Variants in KIAA1217 observed in about 807,000 individuals in gnomAD.
The protein encoded by KIAA1217 is sickle tail protein homolog.
KIAA1217 carries 88 observed loss-of-function variants against 163.9 expected under a neutral mutation model. The observed-to-expected ratio is 0.54, with a 90% CI of 0.45 to 0.64. The LOEUF is 0.64. KIAA1217 is among the 30% of genes least tolerant of loss of function. The probability of loss-of-function intolerance (pLI) is 0.00; values close to 1 mark genes in which losing one functional copy is unlikely to be tolerated. For synonymous variants in KIAA1217, 903 were observed against 923.1 expected, an observed-to-expected ratio of 0.98 and a Z score of 0.39; for missense variants, 2,372 against 2,475.0, an observed-to-expected ratio of 0.96 and a Z score of 0.88.
chr10:24,071,258 GT>G (rs1487442148), intron 2 of KIAA1217, among the ~76,000 whole-genome samples: 2 of 152,116 alleles, frequency 1.3e-5, no homozygotes, highest in African/African-American at 4.8e-5. Context: ...AACATTGCGA[GT>G]TTTGTTTGTT....
At position 24,003,258 on chromosome 10, in the gene KIAA1217, T is replaced by C. The variant is rs977600512; in HGVS notation, c.-320-3967T>C. On this transcript the variant is annotated intron_variant, in intron 1 of 18. Transcript: ENST00000376462. ...CCGTTTTCCATAGTAGTTGTACTAG[T>C]TTACATTCCCACTAGCAGCATAAAA... Among the ~76,000 whole-genome samples, 8 of 152,352 alleles carry C rather than the reference T, an allele frequency of 5.3e-5. No homozygotes were observed. The East Asian group carries it at 1.3e-3, about 26-fold the overall frequency.
intron 1 of KIAA1217, among the ~76,000 whole-genome samples, chr10:23,966,500 C>T (rs1270282240): frequency 6.6e-6 from 1 of 152,170 alleles, no homozygotes; most frequent in Admixed American, 6.5e-5. Flanking sequence ...ATCAGACTAC[C>T]TGCTGTCTAC....
At chr10:23,778,691 T>C (rs1456663350) in intron 1 of KIAA1217, among the ~76,000 whole-genome samples, 1 of 152,206 alleles carries the variant, frequency 6.6e-6, no homozygotes, top group African/African-American at 2.4e-5. Flanking sequence ...CCAATTGCTA[T>C]AGAGGTCATT....
intron 1 of KIAA1217, among the ~76,000 whole-genome samples, chr10:23,697,577 G>A (rs2130691535): frequency 6.6e-6 from 1 of 151,914 alleles, no homozygotes; most frequent in Admixed American, 6.6e-5. Flanking sequence ...TTTTTTAAAA[G>A]TGCACAACAA....
At chr10:24,335,896 G>GTTGAATTGT (rs2046300656) in intron 2 of KIAA1217, among the ~76,000 whole-genome samples, 1 of 152,248 alleles carries the variant, frequency 6.6e-6, no homozygotes, top group Admixed American at 6.5e-5. Context: ...ATAGGCGTCA[G>GTTGAATTGT]CCACTGCACT....
chr10:24,129,483 T>A (rs1053389170), intron 2 of KIAA1217, among the ~76,000 whole-genome samples: 2 of 152,176 alleles, frequency 1.3e-5, no homozygotes, highest in African/African-American at 4.8e-5. Context: ...TATAAATATA[T>A]ATTCAATAAA....
intron 2 of KIAA1217, among the ~76,000 whole-genome samples, chr10:24,093,873 T>A (rs868590202): frequency 2.0e-5 from 3 of 146,356 alleles, no homozygotes; most frequent in African/African-American, 5.1e-5. Flanking sequence ...ATTGTTCAAT[T>A]CCCACTTATG....
intron 2 of KIAA1217, among the ~76,000 whole-genome samples, chr10:24,019,475 G>T (rs981464283): frequency 1.3e-5 from 2 of 151,916 alleles, no homozygotes; most frequent in Non-Finnish European, 2.9e-5. Flanking sequence ...TGTGAAAGAA[G>T]CATTTGAAGA....
intron 1 of KIAA1217, among the ~76,000 whole-genome samples, chr10:23,989,949 A>G (rs1846146875): frequency 6.6e-6 from 1 of 152,232 alleles, no homozygotes. Flanking sequence ...AGCAAGGATT[A>G]AACCAAGAAA....
chr10:24,483,413 G>C (rs1168834108), intron 6 of KIAA1217, among the ~76,000 whole-genome samples: 1 of 152,154 alleles, frequency 6.6e-6, no homozygotes. Flanking sequence ...CCGTTAAAAC[G>C]TGAGACCTTT....
At chr10:24,531,482 A>G (rs917406390) in intron 14 of KIAA1217, among the ~76,000 whole-genome samples, 1 of 152,082 alleles carries the variant, frequency 6.6e-6, no homozygotes, top group African/African-American at 2.4e-5. Context: ...CTTTTTCCAT[A>G]ACAAGAATGT....
At chr10:23,982,713 G>C (rs906196698) in intron 1 of KIAA1217, among the ~76,000 whole-genome samples, 1 of 151,598 alleles carries the variant, frequency 6.6e-6, no homozygotes, top group African/African-American at 2.4e-5. Flanking sequence ...ACAGGCACCC[G>C]CCACCACACC....
intron 8 of KIAA1217, among the ~76,000 whole-genome samples, chr10:24,501,095 AAAT>A (rs1367889443): frequency 6.9e-6 from 1 of 144,418 alleles, no homozygotes; most frequent in East Asian, 2.0e-4. Flanking sequence ...AATAAAAAAA[AAAT>A]AAACAAAATT....
chr10:24,542,565 T>C lies in KIAA1217; in HGVS notation c.3535-128T>C, dbSNP rs569834889. On this transcript the variant is annotated intron_variant, in intron 17 of 20. Coordinates refer to ENST00000376454, the MANE Select transcript of KIAA1217 (RefSeq NM_019590.5). ...AAGGTAAACAGCTGTAGGCTTTGGA[T>C]TGGTGTGTAAGAAATATGCGTGGCC... 1.5e-5 allele frequency: 23 copies of C among 1,523,102 alleles called. No homozygotes were observed. In the South Asian group the frequency reaches 2.3e-4, roughly 15 times the overall value. 94.3% of individuals were successfully genotyped at this position (1,523,102 alleles called of 1,614,324 possible).
At chr10:23,776,948 T>A (rs2130893117) in intron 1 of KIAA1217, among the ~76,000 whole-genome samples, 1 of 152,056 alleles carries the variant, frequency 6.6e-6, no homozygotes, top group East Asian at 1.9e-4. Flanking sequence ...CCTCCCAAAG[T>A]GCTGGGATTA....
At chr10:24,248,542 G>T (rs1242248280) in intron 2 of KIAA1217, among the ~76,000 whole-genome samples, 1 of 151,594 alleles carries the variant, frequency 6.6e-6, no homozygotes, top group African/African-American at 2.4e-5. Context: ...ATGGTGGCGG[G>T]TGCCTGTAAT....
intron 2 of KIAA1217, among the ~76,000 whole-genome samples, chr10:24,064,817 G>A (rs1356963633): frequency 6.6e-6 from 1 of 152,178 alleles, no homozygotes. Flanking sequence ...CCCAATTTCA[G>A]AGCCTGTTAT....
intron 2 of KIAA1217, among the ~76,000 whole-genome samples, chr10:24,069,594 G>T (rs186551832): frequency 1.1e-4 from 17 of 152,310 alleles, no homozygotes; most frequent in African/African-American, 3.6e-4. Context: ...GCTGTGCTGG[G>T]GGTAGGGGTT....
At chr10:24,048,804 G>T (rs1053095129) in intron 2 of KIAA1217, among the ~76,000 whole-genome samples, 6 of 151,780 alleles carry the variant, frequency 4.0e-5, no homozygotes, top group African/African-American at 9.7e-5. Context: ...CGGCCGAGGC[G>T]GGTGGATCAC....
Sources: gnomAD v4.1 joint callset for allele counts (sites outside exome capture counted in the v4.1 genomes callset) on GRCh38, gnomAD v4.1.1 for gene constraint, MANE v1.5 for transcripts, NCBI Gene and HGNC (gene_info 2026-07-23, HGNC 2026-07-21) for gene names.